SNX27: variants seen among roughly 807,000 people sequenced by gnomAD.
SNX27 encodes the protein sorting nexin-27.
SNX27 carries 22 observed loss-of-function variants against 71.6 expected under a neutral mutation model. The ratio of observed to expected loss-of-function variants is 0.31; its 90% confidence interval spans 0.22 to 0.44. The LOEUF (loss-of-function observed/expected upper bound fraction) is 0.44. SNX27 is among the 20% of genes least tolerant of loss of function. The pLI is 1.00. For missense variants in SNX27, 531 were observed against 698.6 expected, an observed-to-expected ratio of 0.76 and a Z score of 2.70; for synonymous variants, 269 against 277.2, an observed-to-expected ratio of 0.97 and a Z score of 0.29.
intron 1 of SNX27, among the ~76,000 whole-genome samples, chr1:151,616,211 A>G (rs1428427649): frequency 6.6e-6 from 1 of 152,212 alleles, no homozygotes; most frequent in Non-Finnish European, 1.5e-5. Flanking sequence ...CTTTGCACTA[A>G]TTATATAGTA....
intron 1 of SNX27, among the ~76,000 whole-genome samples, chr1:151,627,089 C>A (rs1385856357): frequency 6.6e-6 from 1 of 152,126 alleles, no homozygotes; most frequent in Non-Finnish European, 1.5e-5. Context: ...TATATTAACT[C>A]TTGTGTATAT....
chr1:151,689,815 C>G (rs1439530485), intron 8 of SNX27, among the ~76,000 whole-genome samples: 1 of 151,194 alleles, frequency 6.6e-6, no homozygotes, highest in African/African-American at 2.4e-5. Context: ...CTAGGGTGTT[C>G]TTTTTCTTTT....
In SNX27 at chr1:151,668,430, T is replaced by C. The variant is rs765827483; in HGVS notation, c.986-42T>C. 5 of 1,577,902 alleles carry C rather than the reference T, an allele frequency of 3.2e-6. No homozygotes were observed. In the South Asian group the frequency reaches 3.5e-5, roughly 11 times the overall value. ...TAGTTTATACTAGGGAAGTTTCTTATATCTTTTCACTCCAGCTTTCTGTGT... is the reference window on the plus strand; with the variant it reads ...TAGTTTATACTAGGGAAGTTTCTTACATCTTTTCACTCCAGCTTTCTGTGT... On this transcript the variant is annotated intron_variant, in intron 6 of 11. Coordinates refer to ENST00000458013, the MANE Select transcript of SNX27 (RefSeq NM_001330723.2).
chr1:151,681,428 G>C (rs1198137201), intron 7 of SNX27, among the ~76,000 whole-genome samples: 1 of 151,540 alleles, frequency 6.6e-6, no homozygotes, highest in Non-Finnish European at 1.5e-5. Flanking sequence ...ATTTTTAGTA[G>C]AGACAGGGTT....
chr1:151,656,721 A>G lies in SNX27; in HGVS notation c.544-1514A>G, dbSNP rs143978729. 1.9e-3 allele frequency among the ~76,000 whole-genome samples: 295 copies of G among 152,308 alleles called. 2 individuals are homozygous for G. Among genetic ancestry groups the G allele is most frequent in the African/African-American group, 6.6e-3 (276 of 41,556 alleles). ...AAATCCAGAAACAACCCAAGTGCTCATGAGTGGGAGAACAGATTAAAAACA... is the reference window on the plus strand; with the variant it reads ...AAATCCAGAAACAACCCAAGTGCTCGTGAGTGGGAGAACAGATTAAAAACA... On this transcript the variant is annotated intron_variant, in intron 2 of 11. Coordinates refer to ENST00000458013, the MANE Select transcript of SNX27 (RefSeq NM_001330723.2).
intron 2 of SNX27, among the ~76,000 whole-genome samples, chr1:151,642,062 A>G (rs969408060): frequency 6.7e-6 from 1 of 150,142 alleles, no homozygotes; most frequent in Non-Finnish European, 1.5e-5. Context: ...TATATTTTCC[A>G]GTAGCTTGAA....
intron 3 of SNX27, chr1:151,659,786 C>T (rs1279009617): frequency 6.6e-6 from 1 of 152,210 alleles, no homozygotes; most frequent in African/African-American, 2.4e-5. Context: ...TAAGATAGCT[C>T]ATCTTCTGGC....
chr1:151,676,925 ATCTG>A (rs1455932501), intron 7 of SNX27: 1 of 151,402 alleles, frequency 6.6e-6, no homozygotes, highest in Non-Finnish European at 1.5e-5. Flanking sequence ...TTAAATTTAT[ATCTG>A]TCTGGTGTGT....
In SNX27 at chr1:151,651,700, T is replaced by C. The variant is rs569303331; in HGVS notation, c.544-6535T>C. On this transcript the variant is annotated intron_variant, in intron 2 of 11. Transcript: ENST00000458013. ...AGATGGGATGGCGGCTGGGCGGAGA[T>C]GCTCCTCACTTTCCAGACTGGGCAG... Among the ~76,000 whole-genome samples the C allele has an allele frequency of 2.0e-3, 306 of 150,352 alleles. 2 individuals carry two copies. The highest frequency in any genetic ancestry group is 7.0e-3 in the African/African-American group (286 of 40,642).
rs996119480 is a variant in SNX27, at chr1:151,694,526, G to A, written c.*109G>A. 7.9e-5 allele frequency: 92 copies of A among 1,160,068 alleles called. No individual in the cohort carries two copies. The highest frequency in any genetic ancestry group is 1.1e-4 in the East Asian group (4 of 37,144). 71.9% of individuals were successfully genotyped at this position (1,160,068 alleles called of 1,614,324 possible). ...AAAAAGAAGAGAAAAAGTTAAAGTCGTTATATTCAAAAGCCCTAAACTAAA... is the reference window on the plus strand; with the variant it reads ...AAAAAGAAGAGAAAAAGTTAAAGTCATTATATTCAAAAGCCCTAAACTAAA... On this transcript the variant is annotated 3_prime_UTR_variant, in exon 12 of 12. Coordinates refer to ENST00000458013, the MANE Select transcript of SNX27 (RefSeq NM_001330723.2).
intron 7 of SNX27, among the ~76,000 whole-genome samples, chr1:151,675,093 AT>A (rs1049643400): frequency 6.6e-6 from 1 of 152,014 alleles, no homozygotes; most frequent in Non-Finnish European, 1.5e-5. Flanking sequence ...TCTTTTGGGA[AT>A]TTCGTCATAT....
In SNX27 at chr1:151,696,497, C is replaced by CTTTCT. The variant is rs1671724627; in HGVS notation, c.*2083_*2087dup. On this transcript the variant is annotated 3_prime_UTR_variant, in exon 12 of 12. Transcript: ENST00000458013. ...TCTTTCTTTCTTTCTTTCTTTCTTT[C>CTTTCT]TTTCTTTCGTTCTTTCGTTCTTTCG... The CTTTCT allele has an allele frequency of 4.4e-5, 6 of 135,010 alleles. No individual in the cohort carries two copies. Among genetic ancestry groups the CTTTCT allele is most frequent in the African/African-American group, 1.8e-4 (6 of 32,650 alleles). The allele number at this position is 135,010 out of a possible 1,614,324, so 8.4% of individuals were successfully genotyped here. A position where few individuals can be genotyped will look rare whatever the true frequency, so the allele number is the denominator to read the frequency against.
At chr1:151,681,607 G>A (rs1278996063) in intron 7 of SNX27, among the ~76,000 whole-genome samples, 1 of 152,086 alleles carries the variant, frequency 6.6e-6, no homozygotes, top group Non-Finnish European at 1.5e-5. Flanking sequence ...TCTGGGAAAT[G>A]CTTTCCACCT....
chr1:151,640,892 C>T (rs952436719), intron 2 of SNX27, among the ~76,000 whole-genome samples: 8 of 152,156 alleles, frequency 5.3e-5, no homozygotes, highest in Admixed American at 1.3e-4. Context: ...TTGTCAACCA[C>T]GGATCAGCTT....
intron 1 of SNX27, among the ~76,000 whole-genome samples, chr1:151,623,478 C>A (rs774590503): frequency 4.7e-4 from 71 of 151,976 alleles, no homozygotes; most frequent in Non-Finnish European, 7.9e-4. Flanking sequence ...GTTGGCCAGT[C>A]TGGTCTTCTC....
chr1:151,621,313 A>G (rs1667663776), intron 1 of SNX27, among the ~76,000 whole-genome samples: 5 of 152,202 alleles, frequency 3.3e-5, no homozygotes, highest in Admixed American at 6.5e-5. Flanking sequence ...TTCTCATAAT[A>G]GTTGAGGAAA....
Position 151,612,645 on chromosome 1 carries a change from G to C in SNX27, c.311+133G>C, listed in dbSNP as rs1442469237. On this transcript the variant is annotated intron_variant, in intron 1 of 11. Coordinates refer to ENST00000458013, the MANE Select transcript of SNX27 (RefSeq NM_001330723.2). The surrounding 1 kb of genome is among the most constrained non-coding windows in gnomAD (Gnocchi z 5.2). Reference sequence around the variant, plus strand: ...CGGCCTCCGGACCCCCGCCCCTCAGGCCTCCGCAGCCGGGCCCCTCCTTGT... The same window carrying C: ...CGGCCTCCGGACCCCCGCCCCTCAGCCCTCCGCAGCCGGGCCCCTCCTTGT... 2.9e-6 allele frequency: 2 copies of C among 678,448 alleles called. No individual in the cohort carries two copies. Among genetic ancestry groups the C allele is most frequent in the South Asian group, 8.8e-5 (2 of 22,758 alleles). The allele number at this position is 678,448 out of a possible 1,614,324, so 42.0% of individuals were successfully genotyped here. A position where few individuals can be genotyped will look rare whatever the true frequency, so the allele number is the denominator to read the frequency against.
intron 8 of SNX27, among the ~76,000 whole-genome samples, chr1:151,687,765 G>A (rs1010017616): frequency 2.6e-5 from 4 of 152,050 alleles, no homozygotes; most frequent in African/African-American, 9.7e-5. Context: ...TGGCTAACAC[G>A]GTGAAACCTC....
At chr1:151,691,935 C>T (rs1671471750) in intron 8 of SNX27, among the ~76,000 whole-genome samples, 1 of 152,138 alleles carries the variant, frequency 6.6e-6, no homozygotes, top group Admixed American at 6.5e-5. Context: ...CACGGTGGCT[C>T]ATGCCTGTAA....
Sources: allele counts gnomAD v4.1 joint callset (sites outside exome capture counted in the v4.1 genomes callset), GRCh38; gene constraint gnomAD v4.1.1; non-coding constraint Gnocchi (gnomAD v3.1); transcripts MANE v1.5; gene names NCBI Gene and HGNC (gene_info 2026-07-23, HGNC 2026-07-21).